LRCOL1: variants seen among roughly 807,000 people sequenced by gnomAD.
LRCOL1 encodes leucine rich colipase like 1, also known as leucine-rich colipase-like protein 1.
A neutral mutation model predicts 21.6 loss-of-function variants in LRCOL1; 21 were observed. That is an observed-to-expected ratio of 0.97 (90% CI 0.69 to 1.40). LRCOL1 has a LOEUF of 1.40. Among genes scored for constraint, LRCOL1 ranks in the 40% most tolerant of loss-of-function variants. The pLI, the probability that LRCOL1 is intolerant of heterozygous loss-of-function variation, is 0.00. For synonymous variants in LRCOL1, 98 were observed against 90.1 expected (o/e 1.09, Z -0.49); for missense variants, 198 against 202.3 (o/e 0.98, Z 0.13).
At chr12:132,608,442 G>A (rs997216770) in intron 1 of LRCOL1, among the ~76,000 whole-genome samples, 1 of 152,218 alleles carries the variant, frequency 6.6e-6, no homozygotes, top group Non-Finnish European at 1.5e-5. Context: ...GATGCCCCTG[G>A]CACCTGATCC....
chr12:132,603,816 C>T (rs2041260362), intron 5 of LRCOL1: 29 of 985,412 alleles, frequency 2.9e-5, no homozygotes, highest in South Asian at 1.4e-4. Context: ...GAGCCTGCAC[C>T]GAGCACGGCT....
rs976893750 is a variant in LRCOL1 at position 132,605,057 on chromosome 12, G to C, written c.106-226C>G. 42 of 1,373,372 alleles carry C rather than the reference G, an allele frequency of 3.1e-5. No individual in the cohort carries two copies. The African/African-American group carries it at 5.7e-4, about 19-fold the overall frequency. The allele number at this position is 1,373,372 out of a possible 1,614,324, so 85.1% of individuals were successfully genotyped here. ...TGTCTACTGTGAGCCACGTGGAAGA[G>C]GGTAAACCAAGGCACTGAGGGCAAG... On this transcript the variant is annotated intron_variant, in intron 2 of 5. Coordinates refer to ENST00000376608, the MANE Select transcript of LRCOL1 (RefSeq NM_001195520.2).
At chr12:132,605,911 C>T (rs1379871090) in intron 2 of LRCOL1, 3 of 535,806 alleles carry the variant, frequency 5.6e-6, no homozygotes, top group Non-Finnish European at 9.9e-6. Flanking sequence ...GTGCTGGGGT[C>T]GCCGTCCCAT....
Position 132,606,081 on chromosome 12 carries a change from G to T in LRCOL1, c.105+66C>A. 6.7e-7 allele frequency: 1 copy of T among 1,483,662 alleles called. No individual in the cohort carries two copies. Among genetic ancestry groups the T allele is most frequent in the South Asian group, 1.2e-5 (1 of 82,680 alleles). 91.9% of individuals were successfully genotyped at this position (1,483,662 alleles called of 1,614,324 possible). On this transcript the variant is annotated intron_variant, in intron 2 of 5. Transcript: ENST00000376608. The surrounding 1 kb of genome is among the most constrained non-coding windows in gnomAD (Gnocchi z 4.6). ...GGTGGGGACTGCAAGGGCCTCAGGG[G>T]CGCCCGGCACCCACCTTATGGCGCG... is the stretch of plus-strand genomic sequence containing the variant.
At position 132,604,589 on chromosome 12, in the gene LRCOL1, G is replaced by C. The variant is rs527718660; in HGVS notation, c.232-5C>G. 1.3e-6 allele frequency: 2 copies of C among 1,532,422 alleles called. No individual in the cohort carries two copies. The highest frequency in any genetic ancestry group is 2.4e-5 in the South Asian group (2 of 83,836). The allele number at this position is 1,532,422 out of a possible 1,614,324, so 94.9% of individuals were successfully genotyped here. Reference sequence around the variant, plus strand: ...CGAGCATCTGTACCCATTGGGCTATGGGACAGGAGACGCGTCATCCCTGCA... The same window carrying C: ...CGAGCATCTGTACCCATTGGGCTATCGGACAGGAGACGCGTCATCCCTGCA... On this transcript the variant is annotated splice_polypyrimidine_tract_variant and splice_region_variant and intron_variant, in intron 3 of 5. Coordinates refer to ENST00000376608, the MANE Select transcript of LRCOL1 (RefSeq NM_001195520.2).
intron 1 of LRCOL1, among the ~76,000 whole-genome samples, chr12:132,607,054 C>T (rs931661225): frequency 3.9e-5 from 6 of 152,190 alleles, no homozygotes; most frequent in Non-Finnish European, 8.8e-5. Flanking sequence ...CCTTGCTGCC[C>T]AGCCCCGCAG....
chr12:132,604,150 C>T, intron 5 of LRCOL1, 104 bp downstream of exon 5: 7 of 1,453,922 alleles, frequency 4.8e-6, no homozygotes, highest in Non-Finnish European at 6.3e-6. Flanking sequence ...GCTCAGAGCC[C>T]ACCTCTCACA....
At chr12:132,604,929 C>T (rs761738647) in intron 2 of LRCOL1, 98 bp from the exon 3 acceptor site, 21 of 1,468,856 alleles carry the variant, frequency 1.4e-5, no homozygotes, top group Non-Finnish European at 1.9e-5. Context: ...TCCCCTGTGT[C>T]ACCATCCTTC....
At position 132,606,264 on chromosome 12, in the gene LRCOL1, C is replaced by G; in HGVS notation, c.-13G>C. On this transcript the variant is annotated splice_region_variant and 5_prime_UTR_variant, in exon 2 of 6. Transcript: ENST00000376608. This position sits in a 1 kb window ranked among gnomAD's most constrained non-coding sequence, Gnocchi z 4.6. ...CCGGGCCGGCCATCGGGTGTGTGGA[C>G]CTGCAGAGACCCAGGATTGTGTGGG... 6.5e-7 allele frequency: 1 copy of G among 1,536,034 alleles called. No homozygotes were observed.
intron 2 of LRCOL1, among the ~76,000 whole-genome samples, chr12:132,605,538 C>T (rs986601324): frequency 3.9e-5 from 6 of 152,016 alleles, no homozygotes; most frequent in African/African-American, 7.2e-5. Flanking sequence ...AGAACAGCCT[C>T]GTCAACATGG....
chr12:132,607,715 GTC>G (rs1205670037), intron 1 of LRCOL1, among the ~76,000 whole-genome samples: 1 of 139,336 alleles, frequency 7.2e-6, no homozygotes, highest in African/African-American at 2.6e-5. Flanking sequence ...CTCTCCCTCT[GTC>G]TCTGTCTCTC....
chr12:132,604,614 A>G (rs1593649471), intron 3 of LRCOL1, 30 bp from the exon 4 acceptor site: 2 of 1,526,626 alleles, frequency 1.3e-6, no homozygotes, highest in Non-Finnish European at 1.8e-6. Flanking sequence ...TCATCCCTGC[A>G]CCCACCATCC....
At position 132,604,534 on chromosome 12, in the gene LRCOL1, G is replaced by A. The variant is rs192407333; in HGVS notation, c.282C>T (p.Cys94=). The A allele has an allele frequency of 2.2e-3, 3,334 of 1,536,170 alleles. 5 individuals are homozygous for A. The highest frequency in any genetic ancestry group is 2.4e-3 in the Non-Finnish European group (2,763 of 1,146,882). The part of the protein sequence containing the change: ...SHDSECQSSC[C]VRNNSPQELC... ...ACTCCTGCGGGCTGTTGTTGCGGACGCAGCAGCTGCTCTGGCACTCTGAGT... is the reference window on the plus strand; with the variant it reads ...ACTCCTGCGGGCTGTTGTTGCGGACACAGCAGCTGCTCTGGCACTCTGAGT... Residue 94 remains cysteine, a synonymous_variant, in exon 4 of 6, where the codon TGC becomes TGT. Coordinates refer to ENST00000376608, the MANE Select transcript of LRCOL1 (RefSeq NM_001195520.2).
At chr12:132,604,605 C>A (rs888261484) in intron 3 of LRCOL1, 21 bp from the exon 4 acceptor site, 25 of 1,525,036 alleles carry the variant, frequency 1.6e-5, no homozygotes, top group Non-Finnish European at 2.0e-5. Context: ...GGAGACGCGT[C>A]ATCCCTGCAC....
intron 1 of LRCOL1, among the ~76,000 whole-genome samples, chr12:132,608,691 C>T (rs1042305795): frequency 3.3e-5 from 5 of 152,202 alleles, no homozygotes; most frequent in African/African-American, 4.8e-5. Context: ...CTCAGCCTCC[C>T]GAGTAGCTGG....
At chr12:132,607,860 CCT>C (rs1206154195) in intron 1 of LRCOL1, among the ~76,000 whole-genome samples, 3 of 108,518 alleles carry the variant, frequency 2.8e-5, no homozygotes, top group South Asian at 6.0e-4. Context: ...TCTCTCTCTG[CCT>C]CTCTGTCTCT....
At chr12:132,605,196 G>A (rs941218222) in intron 2 of LRCOL1, 2 of 929,766 alleles carry the variant, frequency 2.2e-6, no homozygotes, top group Non-Finnish European at 2.6e-6. Context: ...TGCACAGCTG[G>A]CAGAGGTGAG....
At position 132,606,121 on chromosome 12, in the gene LRCOL1, G is replaced by A; in HGVS notation, c.105+26C>T. On this transcript the variant is annotated intron_variant, in intron 2 of 5. Transcript: ENST00000376608. The surrounding 1 kb of genome is among the most constrained non-coding windows in gnomAD (Gnocchi z 4.6). The stretch of plus-strand genomic sequence containing the variant: ...CTTATGGCGCGTGTGGGGCCTGCAG[G>A]GGCATCAGGGGTGCCCGGCACCCAC... 1 of 1,533,340 alleles carries A rather than the reference G, an allele frequency of 6.5e-7. No homozygotes were observed. The highest frequency in any genetic ancestry group is 8.7e-7 in the Non-Finnish European group (1 of 1,144,488). 95.0% of individuals were successfully genotyped at this position (1,533,340 alleles called of 1,614,324 possible).
At chr12:132,603,538 C>G in intron 5 of LRCOL1, 134 bp from the exon 6 acceptor site, 1 of 1,510,010 alleles carries the variant, frequency 6.6e-7, no homozygotes, top group Non-Finnish European at 8.8e-7. Flanking sequence ...ACCCAGAGGC[C>G]GACGCCCACG....
Sources: allele counts gnomAD v4.1 joint callset (sites outside exome capture counted in the v4.1 genomes callset), GRCh38; gene constraint gnomAD v4.1.1; non-coding constraint Gnocchi (gnomAD v3.1); transcripts MANE v1.5; gene names NCBI Gene and HGNC (gene_info 2026-07-23, HGNC 2026-07-21).